The following NAV2 variants were observed in gnomAD, a reference collection of about 807,000 sequenced individuals.
NAV2 encodes helicase, APC down-regulated 1.
A neutral mutation model predicts 223.2 loss-of-function variants in NAV2; 54 were observed. The observed-to-expected ratio is 0.24, with a 90% confidence interval of 0.19 to 0.30. NAV2 has a LOEUF of 0.30. Ranked by LOEUF, NAV2 falls within the 10% of genes least tolerant of loss-of-function variation. NAV2 has a pLI of 1.00. For missense variants in NAV2, 2,806 were observed against 3,147.5 expected, an observed-to-expected ratio of 0.89 and a Z score of 2.60; for synonymous variants, 1,279 against 1,239.3, an observed-to-expected ratio of 1.03 and a Z score of -0.67.
At chr11:20,077,443 G>A in intron 22 of NAV2, 109 bp from the exon 23 acceptor site, 1 of 759,752 alleles carries the variant, frequency 1.3e-6, no homozygotes, top group Non-Finnish European at 2.2e-6. Context: ...GGCTGAAAAA[G>A]TAGCCTAGAT....
At chr11:20,074,578 G>A (rs1327073211) in intron 22 of NAV2, among the ~76,000 whole-genome samples, 6 of 152,072 alleles carry the variant, frequency 3.9e-5, no homozygotes, top group African/African-American at 1.4e-4. Flanking sequence ...AAGTCTCTTT[G>A]TAGGTCTCTA....
intron 36 of NAV2, among the ~76,000 whole-genome samples, chr11:20,110,880 G>C (rs1477038129): frequency 6.6e-6 from 1 of 152,176 alleles, no homozygotes; most frequent in African/African-American, 2.4e-5. Flanking sequence ...CTGAGAACAG[G>C]TGGAGTCCCT....
intron 1 of NAV2, among the ~76,000 whole-genome samples, chr11:19,357,677 C>G (rs544001027): frequency 7.9e-4 from 121 of 152,290 alleles, no homozygotes; most frequent in Middle Eastern, 3.4e-3. Flanking sequence ...AAAATTCCTT[C>G]TGGTTTAAAC....
At chr11:20,077,450 A>T in intron 22 of NAV2, 102 bp from the exon 23 acceptor site, 1 of 833,942 alleles carries the variant, frequency 1.2e-6, no homozygotes, top group South Asian at 1.6e-5. Context: ...AAAGTAGCCT[A>T]GATCAATGGA....
At chr11:19,708,609 C>T (rs1374235324), upstream of NAV2, among the ~76,000 whole-genome samples, 2 of 152,072 alleles carry the variant, frequency 1.3e-5, no homozygotes, top group Admixed American at 6.6e-5. Flanking sequence ...AGGTCTGAAG[C>T]CCAATTCACA....
At chr11:19,917,199 T>A (rs964098959) in intron 6 of NAV2, among the ~76,000 whole-genome samples, 1 of 152,172 alleles carries the variant, frequency 6.6e-6, no homozygotes, top group East Asian at 1.9e-4. Flanking sequence ...TCCCATGAGG[T>A]GCTGCCTCCA....
At chr11:20,110,394 G>C (rs965258491) in intron 36 of NAV2, among the ~76,000 whole-genome samples, 1 of 152,194 alleles carries the variant, frequency 6.6e-6, no homozygotes, top group Non-Finnish European at 1.5e-5. Flanking sequence ...AGGAACATTT[G>C]GTGATGTTTT....
intron 2 of NAV2, among the ~76,000 whole-genome samples, chr11:19,841,699 A>T (rs564231616): frequency 7.2e-5 from 11 of 152,306 alleles, no homozygotes; most frequent in African/African-American, 2.6e-4. Flanking sequence ...ATGGGATTGC[A>T]GAGGGAGCAT....
intron 1 of NAV2, among the ~76,000 whole-genome samples, chr11:19,623,952 G>A (rs1289094277): frequency 1.3e-5 from 2 of 152,138 alleles, no homozygotes; most frequent in Admixed American, 1.3e-4. Flanking sequence ...TTTTGGTGTG[G>A]ATGTCCTTTC....
chr11:19,493,753 C>T, intron 1 of NAV2, among the ~76,000 whole-genome samples: 1 of 152,170 alleles, frequency 6.6e-6, no homozygotes, highest in Non-Finnish European at 1.5e-5. Context: ...TGCCATCCCT[C>T]CTGACCATTC....
Position 19,998,846 on chromosome 11 carries a change from G to T in NAV2, c.2768+14599G>T, listed in dbSNP as rs2052234306. Among the ~76,000 whole-genome samples, 1 of 152,156 alleles carries T rather than the reference G, an allele frequency of 6.6e-6. No individual in the cohort carries two copies. On this transcript the variant is annotated intron_variant, in intron 11 of 37. Transcript: ENST00000349880. This position sits in a 1 kb window ranked among gnomAD's most constrained non-coding sequence, Gnocchi z 5.0. The stretch of plus-strand genomic sequence containing the variant: ...AGCTGTTGGTTTCTTTTTGGAAACT[G>T]TTTATTTGACATCTCTTACTTTCAT...
intron 1 of NAV2, among the ~76,000 whole-genome samples, chr11:19,609,642 C>T (rs542363493): frequency 1.1e-3 from 167 of 152,246 alleles, no homozygotes; most frequent in African/African-American, 3.6e-3. Context: ...TCATGTGTAC[C>T]CCAAGGGCTA....
At chr11:20,117,222 C>T (rs1194238269) in intron 37 of NAV2, among the ~76,000 whole-genome samples, 2 of 146,276 alleles carry the variant, frequency 1.4e-5, no homozygotes, top group African/African-American at 5.2e-5. Flanking sequence ...GTTTTTATTC[C>T]CTCTCCCACT....
At chr11:19,853,636 T>G (rs1285284606) in intron 3 of NAV2, among the ~76,000 whole-genome samples, 4 of 152,230 alleles carry the variant, frequency 2.6e-5, no homozygotes, top group Non-Finnish European at 5.9e-5. Context: ...TACATTCTTT[T>G]TTCTTAGAAC....
intron 1 of NAV2, among the ~76,000 whole-genome samples, chr11:19,567,459 T>C (rs921206269): frequency 1.3e-5 from 2 of 152,236 alleles, no homozygotes; most frequent in African/African-American, 4.8e-5. Flanking sequence ...ATTTATTCCC[T>C]TCTCTCTTTT....
chr11:19,971,705 T>C (rs911857711), intron 10 of NAV2, among the ~76,000 whole-genome samples: 1 of 152,220 alleles, frequency 6.6e-6, no homozygotes, highest in African/African-American at 2.4e-5. Flanking sequence ...TCAATGTTTT[T>C]CAAACTTTTT....
At chr11:20,012,159 G>C (rs2053612015) in intron 11 of NAV2, among the ~76,000 whole-genome samples, 2 of 152,316 alleles carry the variant, frequency 1.3e-5, no homozygotes, top group South Asian at 4.1e-4. Flanking sequence ...TCTAGGTCCA[G>C]CTAGCTCCCT....
At chr11:19,607,361 AC>A (rs763129773) in intron 1 of NAV2, among the ~76,000 whole-genome samples, 2 of 152,196 alleles carry the variant, frequency 1.3e-5, no homozygotes, top group African/African-American at 4.8e-5. Context: ...AGGCCTGGGG[AC>A]CAGCTCTGTT....
chr11:19,457,798 C>A (rs1181223017), intron 1 of NAV2, among the ~76,000 whole-genome samples: 1 of 152,130 alleles, frequency 6.6e-6, no homozygotes, highest in East Asian at 1.9e-4. Context: ...GAGGGGAGAA[C>A]AGAGATGCAC....
Sources: allele counts gnomAD v4.1 joint callset (sites outside exome capture counted in the v4.1 genomes callset), GRCh38; gene constraint gnomAD v4.1.1; non-coding constraint Gnocchi (gnomAD v3.1); transcripts MANE v1.5; gene names NCBI Gene and HGNC (gene_info 2026-07-23, HGNC 2026-07-21).